The following MRTFA variants were observed in gnomAD, a reference collection of about 807,000 sequenced individuals.
The protein encoded by MRTFA is myocardin related transcription factor A.
A neutral mutation model predicts 83.5 loss-of-function variants in MRTFA; 20 were observed. The ratio of observed to expected loss-of-function variants is 0.24; its 90% CI spans 0.17 to 0.35. The LOEUF (loss-of-function observed/expected upper bound fraction) is 0.35, where lower values mean the gene tolerates loss of function less well. MRTFA is among the 10% of genes least tolerant of loss of function. The pLI, the probability that MRTFA is intolerant of heterozygous loss-of-function variation, is 1.00. For missense variants in MRTFA, 1,200 were observed against 1,224.7 expected (o/e 0.98, Z 0.30); for synonymous variants, 659 against 541.2 (o/e 1.22, Z -3.02).
chr22:40,561,793 G>A (rs1440204921), intron 2 of MRTFA, among the ~76,000 whole-genome samples: 2 of 152,170 alleles, frequency 1.3e-5, no homozygotes, highest in South Asian at 2.1e-4. Context: ...TAATGGTGGG[G>A]TTTATTTCCT....
At chr22:40,487,992 TCA>T (rs201665174) in intron 3 of MRTFA, among the ~76,000 whole-genome samples, 633 of 152,148 alleles carry the variant, frequency 4.2e-3, no homozygotes, top group Non-Finnish European at 7.6e-3. Context: ...CTTAAACCTA[TCA>T]CACACATACA....
At chr22:40,606,564 C>T (rs1314420889) in intron 1 of MRTFA, among the ~76,000 whole-genome samples, 1 of 152,174 alleles carries the variant, frequency 6.6e-6, no homozygotes, top group Non-Finnish European at 1.5e-5. Flanking sequence ...TTCCATTAGA[C>T]AAATGTTTAA....
rs781151841 is a variant in MRTFA, at chr22:40,411,531, C to T, written c.2955G>A (p.Leu985=). The T allele has an allele frequency of 6.2e-6, 10 of 1,613,398 alleles. No homozygotes were observed. The highest frequency in any genetic ancestry group is 1.7e-4 in the Middle Eastern group (1 of 6,058). The change falls in exon 15 of 15, where the codon CTG becomes CTA. Residue 985 remains leucine (L), a synonymous_variant. Transcript: ENST00000355630. ...ACAGCTCCAGCCAGTCCATGCTGTCCAGGTGGCCATCAGCCAGGTCCAGGC... is the reference window on the plus strand; with the variant it reads ...ACAGCTCCAGCCAGTCCATGCTGTCTAGGTGGCCATCAGCCAGGTCCAGGC...
intron 1 of MRTFA, among the ~76,000 whole-genome samples, chr22:40,597,175 G>A (rs1360016699): frequency 6.6e-6 from 1 of 152,158 alleles, no homozygotes; most frequent in East Asian, 1.9e-4. Context: ...TGCCTGGCAA[G>A]TAACAGGTGC....
chr22:40,504,680 T>C (rs1357223488), intron 3 of MRTFA, among the ~76,000 whole-genome samples: 1 of 152,222 alleles, frequency 6.6e-6, no homozygotes, highest in East Asian at 1.9e-4. Flanking sequence ...CAGTTACTTA[T>C]GTAAGTGAGA....
At chr22:40,450,510 C>A (rs2053467352) in intron 4 of MRTFA, among the ~76,000 whole-genome samples, 1 of 151,954 alleles carries the variant, frequency 6.6e-6, no homozygotes, top group Non-Finnish European at 1.5e-5. Flanking sequence ...GCCTGGAGTG[C>A]AGTGGTGCAA....
At chr22:40,594,300 T>G (rs1424891600) in intron 2 of MRTFA, among the ~76,000 whole-genome samples, 2 of 152,202 alleles carry the variant, frequency 1.3e-5, no homozygotes, top group African/African-American at 4.8e-5. Context: ...AGCCTACCAT[T>G]ACCCACCACC....
At chr22:40,470,236 T>TAC (rs2053878557) in intron 3 of MRTFA, among the ~76,000 whole-genome samples, 1 of 16,694 alleles carries the variant, frequency 6.0e-5, no homozygotes, top group Non-Finnish European at 1.6e-4. Flanking sequence ...AAATTTTATA[T>TAC]ATATATATAT....
At chr22:40,609,753 C>T (rs530417376) in intron 1 of MRTFA, among the ~76,000 whole-genome samples, 2 of 152,156 alleles carry the variant, frequency 1.3e-5, no homozygotes, top group African/African-American at 2.4e-5. Flanking sequence ...ATTGCTTGAA[C>T]CCGGGCAGCG....
chr22:40,528,702 A>C (rs2055022401), intron 3 of MRTFA, among the ~76,000 whole-genome samples: 2 of 148,732 alleles, frequency 1.3e-5, no homozygotes, highest in Admixed American at 6.9e-5. Context: ...GTGCTATTGC[A>C]CTCCAGACTG....
chr22:40,444,082 G>C (rs1057483322), intron 4 of MRTFA, among the ~76,000 whole-genome samples: 3 of 152,110 alleles, frequency 2.0e-5, no homozygotes, highest in Non-Finnish European at 2.9e-5. Flanking sequence ...TGGTCATAAC[G>C]AGATGGCACC....
At chr22:40,426,645 C>T (rs2052960007) in intron 7 of MRTFA, among the ~76,000 whole-genome samples, 1 of 152,118 alleles carries the variant, frequency 6.6e-6, no homozygotes, top group South Asian at 2.1e-4. Flanking sequence ...ACCTTTTCCA[C>T]TTGGCAAACT....
At position 40,537,227 on chromosome 22, in the gene MRTFA, C is replaced by T. The variant is rs1469170148; in HGVS notation, c.241+14879G>A. ...CCTCAGCCCGGCCAGCCACCCCGTC[C>T]GGGAGGGAGGTGGGGGGGTCAGCCC... On this transcript the variant is annotated intron_variant, in intron 3 of 14. Coordinates refer to ENST00000355630, the MANE Select transcript of MRTFA (RefSeq NM_020831.6). 5.1e-4 allele frequency among the ~76,000 whole-genome samples: 9 copies of T among 17,714 alleles called. 1 individual carries two copies. The highest frequency in any genetic ancestry group is 2.9e-3 in the African/African-American group (9 of 3,068). The allele number at this position is 17,714 out of a possible 152,430, so 11.6% of individuals were successfully genotyped here.
At chr22:40,616,760 T>G (rs541220393) in intron 1 of MRTFA, among the ~76,000 whole-genome samples, 2 of 152,078 alleles carry the variant, frequency 1.3e-5, no homozygotes, top group Non-Finnish European at 2.9e-5. Flanking sequence ...ATTTGAGATG[T>G]CTGTGAGCCA....
chr22:40,605,540 C>T (rs1038884325), intron 1 of MRTFA, among the ~76,000 whole-genome samples: 1 of 152,164 alleles, frequency 6.6e-6, no homozygotes, highest in African/African-American at 2.4e-5. Flanking sequence ...AATGGAAAAA[C>T]CACCGCAGGT....
At chr22:40,426,432 G>A (rs574014757) in intron 7 of MRTFA, among the ~76,000 whole-genome samples, 2 of 152,180 alleles carry the variant, frequency 1.3e-5, no homozygotes, top group East Asian at 1.9e-4. Context: ...CTTCTCCACA[G>A]AACTATTGAG....
chr22:40,581,140 C>T lies in MRTFA; in HGVS notation c.-22+13534G>A, dbSNP rs138218460. 5.3e-5 allele frequency among the ~76,000 whole-genome samples: 8 copies of T among 152,118 alleles called. No individual in the cohort carries two copies. The East Asian group carries it at 1.5e-3, about 29-fold the overall frequency. On this transcript the variant is annotated intron_variant, in intron 2 of 14. Transcript: ENST00000355630. ...TGCTTTCTTTTTTTTCAACATAATG[C>T]TTCCAGGATGTATCTATATTGACAC...
chr22:40,609,290 CAA>C (rs56048331), intron 1 of MRTFA, among the ~76,000 whole-genome samples: 1,451 of 92,580 alleles, frequency 0.016, 24 homozygotes, highest in Middle Eastern at 0.13. Context: ...GACTCCTTCT[CAA>C]AAAAAAAAAA....
rs2053065607 is a variant in MRTFA at position 40,431,343 on chromosome 22, CAGT to C, written c.439+59_439+61del. On this transcript the variant is annotated intron_variant, in intron 6 of 14. Transcript: ENST00000355630. ...AGAGGCAGGAAGGAAATGGGTAGTGCAGTAGTGAGTACACACAGTGAGAACTGG... is the reference window on the plus strand; with the variant it reads ...AGAGGCAGGAAGGAAATGGGTAGTGCAGTGAGTACACACAGTGAGAACTGG... The C allele has an allele frequency of 1.8e-5, 26 of 1,448,704 alleles. 1 individual carries two copies. The South Asian group carries it at 2.9e-4, about 16-fold the overall frequency. The allele number at this position is 1,448,704 out of a possible 1,614,324, so 89.7% of individuals were successfully genotyped here.
Sources: gnomAD v4.1 joint callset for allele counts (sites outside exome capture counted in the v4.1 genomes callset) on GRCh38, gnomAD v4.1.1 for gene constraint, MANE v1.5 for transcripts, NCBI Gene and HGNC (gene_info 2026-07-23, HGNC 2026-07-21) for gene names.